The following FILIP1 variants were observed in gnomAD, a reference collection of about 807,000 sequenced individuals.
The protein encoded by FILIP1 is filamin A interacting protein 1.
Under a neutral mutation model 102.1 loss-of-function variants are expected in FILIP1, and 61 were observed. The ratio of observed to expected loss-of-function variants is 0.60; its 90% CI spans 0.49 to 0.74. The LOEUF (loss-of-function observed/expected upper bound fraction) is 0.74, where lower values mean the gene tolerates loss of function less well. FILIP1 is among the 30% of genes least tolerant of loss of function. The pLI, the probability that FILIP1 is intolerant of heterozygous loss-of-function variation, is 0.00. For synonymous variants in FILIP1, 491 were observed against 526.9 expected, an observed-to-expected ratio of 0.93 and a Z score of 0.93; for missense variants, 1,314 against 1,441.2, an observed-to-expected ratio of 0.91 and a Z score of 1.43.
chr6:75,465,220 G>T, intron 1 of FILIP1: 1 of 212,774 alleles, frequency 4.7e-6, no homozygotes, highest in Non-Finnish European at 9.4e-6. Context: ...GCAGGAGATG[G>T]CACAGTTAAC....
intron 1 of FILIP1, among the ~76,000 whole-genome samples, chr6:75,423,675 C>G (rs1777544508): frequency 6.6e-6 from 1 of 152,148 alleles, no homozygotes; most frequent in South Asian, 2.1e-4. Context: ...ACACATTGCA[C>G]AACCAACTCT....
intron 2 of FILIP1, among the ~76,000 whole-genome samples, chr6:75,365,427 G>C (rs1216076732): frequency 6.6e-6 from 1 of 152,142 alleles, no homozygotes; most frequent in African/African-American, 2.4e-5. Context: ...CTGGAGTGCA[G>C]TGCCGTGATC....
chr6:75,474,359 A>G (rs1218983038), intron 1 of FILIP1, among the ~76,000 whole-genome samples: 1 of 152,186 alleles, frequency 6.6e-6, no homozygotes, highest in Non-Finnish European at 1.5e-5. Context: ...TTTCACTGTA[A>G]CAATAATGCT....
intron 1 of FILIP1, among the ~76,000 whole-genome samples, chr6:75,425,023 C>T (rs961880988): frequency 3.3e-5 from 5 of 152,098 alleles, no homozygotes; most frequent in African/African-American, 1.2e-4. Flanking sequence ...TTGAACTTCT[C>T]CCAACTTCTG....
chr6:75,478,661 A>G (rs945481), intron 1 of FILIP1, among the ~76,000 whole-genome samples: 145,260 of 152,224 alleles, frequency 0.95, 69,692 homozygotes, highest in East Asian at 1. Flanking sequence ...GAGCCACAGC[A>G]CTGTGGCTTG....
intron 2 of FILIP1, among the ~76,000 whole-genome samples, chr6:75,397,752 G>A (rs943021058): frequency 2.0e-5 from 3 of 152,100 alleles, no homozygotes; most frequent in African/African-American, 4.8e-5. Context: ...CCTGTGAGAC[G>A]GATTCCTTCA....
At chr6:75,469,032 A>C (rs576559589) in intron 1 of FILIP1, among the ~76,000 whole-genome samples, 4 of 152,144 alleles carry the variant, frequency 2.6e-5, no homozygotes, top group African/African-American at 9.6e-5. Flanking sequence ...TGCCAACCAA[A>C]ATAAAAATGA....
At chr6:75,436,771 T>G (rs966599656) in intron 1 of FILIP1, among the ~76,000 whole-genome samples, 1 of 152,036 alleles carries the variant, frequency 6.6e-6, no homozygotes, top group African/African-American at 2.4e-5. Context: ...TCCTCTGTAT[T>G]TAGGTCAAGA....
At chr6:75,473,703 A>G (rs776033407) in intron 1 of FILIP1, 1 of 152,212 alleles carries the variant, frequency 6.6e-6, no homozygotes, top group South Asian at 2.1e-4. Flanking sequence ...ACAACGTATA[A>G]CAATCTCTAC....
intron 2 of FILIP1, among the ~76,000 whole-genome samples, chr6:75,368,579 A>G (rs1389673501): frequency 6.6e-6 from 1 of 152,202 alleles, no homozygotes; most frequent in Admixed American, 6.5e-5. Flanking sequence ...CGTCACCTAG[A>G]AGAACGCTTA....
At chr6:75,302,823 C>CATGATAT (rs1772875373) in intron 6 of FILIP1, among the ~76,000 whole-genome samples, 1 of 149,100 alleles carries the variant, frequency 6.7e-6, no homozygotes, top group Non-Finnish European at 1.5e-5. Flanking sequence ...TATGATATGA[C>CATGATAT]ATGATATGAT....
intron 1 of FILIP1, among the ~76,000 whole-genome samples, chr6:75,486,646 T>A (rs1156493726): frequency 6.6e-6 from 1 of 152,180 alleles, no homozygotes; most frequent in African/African-American, 2.4e-5. Context: ...ATTTGGATTT[T>A]AAATCTACTA....
At chr6:75,368,731 A>G (rs73751831) in intron 2 of FILIP1, among the ~76,000 whole-genome samples, 49 of 152,348 alleles carry the variant, frequency 3.2e-4, no homozygotes, top group African/African-American at 1.2e-3. Flanking sequence ...ACAGATTTAA[A>G]TGCATGGGAT....
At chr6:75,443,021 G>T (rs1778325013) in intron 1 of FILIP1, among the ~76,000 whole-genome samples, 1 of 152,318 alleles carries the variant, frequency 6.6e-6, no homozygotes, top group South Asian at 2.1e-4. Flanking sequence ...AAAAATCTTG[G>T]AGTGAAAGTG....
chr6:75,398,827 T>C (rs1776553199), intron 2 of FILIP1: 1 of 142,862 alleles, frequency 7.0e-6, no homozygotes, highest in Middle Eastern at 3.3e-3. Flanking sequence ...AGCAAAATGC[T>C]CCTAACTTAA....
chr6:75,457,396 T>G (rs1258865289), intron 1 of FILIP1, among the ~76,000 whole-genome samples: 2 of 152,224 alleles, frequency 1.3e-5, no homozygotes, highest in East Asian at 3.8e-4. Flanking sequence ...AGGAGTGAAC[T>G]ACCTGTGGCA....
At chr6:75,340,940 G>A (rs149761514) in intron 4 of FILIP1, among the ~76,000 whole-genome samples, 1 of 145,592 alleles carries the variant, frequency 6.9e-6, no homozygotes, top group African/African-American at 2.6e-5. Flanking sequence ...CTGACCTCAA[G>A]TGATCCATCC....
At position 75,432,239 on chromosome 6, in the gene FILIP1, T is replaced by A. The variant is rs182973794; in HGVS notation, c.-6-17261A>T. On this transcript the variant is annotated intron_variant, in intron 1 of 5. Coordinates refer to ENST00000237172, the MANE Select transcript of FILIP1 (RefSeq NM_015687.5). ...CACTTTAAAATTTACTACTCAAAAC[T>A]AAGTTTGAAGACAGACTTGATGTAA... Among the ~76,000 whole-genome samples, 34 of 152,390 alleles carry A rather than the reference T, an allele frequency of 2.2e-4. 2 individuals carry two copies. The highest frequency in any genetic ancestry group is 1.1e-3 in the Admixed American group (17 of 15,310).
At chr6:75,475,832 T>A (rs1779459042) in intron 1 of FILIP1, among the ~76,000 whole-genome samples, 1 of 152,212 alleles carries the variant, frequency 6.6e-6, no homozygotes, top group Non-Finnish European at 1.5e-5. Context: ...AGTCATCTCG[T>A]GCACATAAAG....
Sources: allele counts gnomAD v4.1 joint callset (sites outside exome capture counted in the v4.1 genomes callset), GRCh38; gene constraint gnomAD v4.1.1; transcripts MANE v1.5; gene names NCBI Gene and HGNC (gene_info 2026-07-23, HGNC 2026-07-21).